Variants in FRMPD4 observed in about 807,000 individuals in gnomAD.
FRMPD4 encodes the protein FERM and PDZ domain-containing protein 4.
A neutral mutation model predicts 94.1 loss-of-function variants in FRMPD4; 22 were observed. The ratio of observed to expected loss-of-function variants is 0.23; its 90% CI spans 0.17 to 0.33. FRMPD4 has a LOEUF of 0.33. Among genes scored for constraint, FRMPD4 ranks in the 10% least tolerant of loss-of-function variants. The probability of loss-of-function intolerance (pLI) is 1.00; values close to 1 mark genes in which losing one functional copy is unlikely to be tolerated. For missense variants in FRMPD4, 1,111 were observed against 1,339.9 expected (o/e 0.83, Z 2.67); for synonymous variants, 631 against 548.6 (o/e 1.15, Z -2.10).
At chrX:12,579,727 C>T (rs1186641308) in intron 2 of FRMPD4, among the ~76,000 whole-genome samples, 1 of 111,965 alleles carries the variant, frequency 8.9e-6, no homozygotes, top group Non-Finnish European at 1.9e-5. Flanking sequence ...CTGAATTCTT[C>T]CTGGACAGAA....
chrX:12,339,953 A>G (rs895270042), intron 1 of FRMPD4, among the ~76,000 whole-genome samples: 1 of 112,463 alleles, frequency 8.9e-6, no homozygotes, highest in African/African-American at 3.2e-5. Flanking sequence ...GTAGCAATCA[A>G]GCCACTCAAT....
chrX:12,449,990 A>G (rs1368352468), intron 1 of FRMPD4, among the ~76,000 whole-genome samples: 2 of 110,429 alleles, frequency 1.8e-5, no homozygotes, highest in African/African-American at 6.6e-5. Context: ...CCTTGTCTCA[A>G]AAGAAAAGAA....
chrX:12,413,740 G>C (rs775182544), intron 1 of FRMPD4, among the ~76,000 whole-genome samples: 2 of 112,017 alleles, frequency 1.8e-5, no homozygotes, highest in Non-Finnish European at 3.8e-5. Flanking sequence ...TAGGTTCCTG[G>C]AACATTGTGG....
intron 4 of FRMPD4, among the ~76,000 whole-genome samples, chrX:12,673,202 A>G (rs1365752043): frequency 1.8e-5 from 2 of 112,248 alleles, no homozygotes; most frequent in Non-Finnish European, 3.8e-5. Flanking sequence ...TTCCACTAAC[A>G]TGGCTACCAC....
intron 1 of FRMPD4, among the ~76,000 whole-genome samples, chrX:11,835,835 T>A (rs1322783325): frequency 1.8e-5 from 2 of 112,288 alleles, no homozygotes; most frequent in Non-Finnish European, 3.8e-5. Flanking sequence ...CTGGTATTTT[T>A]AAAAGGCCCC....
At chrX:12,459,011 G>A (rs1024550780) in intron 1 of FRMPD4, among the ~76,000 whole-genome samples, 4 of 111,991 alleles carry the variant, frequency 3.6e-5, no homozygotes, top group African/African-American at 1.3e-4. Context: ...ATTGACCATG[G>A]AGCACAGAAG....
In FRMPD4 at chrX:12,387,686, G is replaced by A. The variant is rs141090979; in HGVS notation, c.42-110994G>A. On this transcript the variant is annotated intron_variant, in intron 1 of 16. Coordinates refer to ENST00000675598, the MANE Select transcript of FRMPD4 (RefSeq NM_001368397.1). ...ATTGATATATGGGTATCATGTCAGGGACTGCTGTTTTTTGTTTGTTTTTTT... is the reference window on the plus strand; with the variant it reads ...ATTGATATATGGGTATCATGTCAGGAACTGCTGTTTTTTGTTTGTTTTTTT... 3.1e-3 allele frequency among the ~76,000 whole-genome samples: 339 copies of A among 109,200 alleles called. 3 individuals carry two copies. The East Asian group carries it at 0.056, about 18-fold the overall frequency. The allele number at this position is 109,200 out of a possible 115,157, so 94.8% of individuals were successfully genotyped here.
chrX:12,160,633 A>G (rs2056009890), intron 1 of FRMPD4, among the ~76,000 whole-genome samples: 1 of 111,626 alleles, frequency 9.0e-6, no homozygotes, highest in Non-Finnish European at 1.9e-5. Context: ...CTCCTTTAAT[A>G]TATATGAAGA....
chrX:12,487,039 G>A (rs1229034366), intron 1 of FRMPD4, among the ~76,000 whole-genome samples: 3 of 112,280 alleles, frequency 2.7e-5, no homozygotes, highest in South Asian at 7.4e-4. Flanking sequence ...AATTGTTATG[G>A]AAATGTGAGA....
chrX:12,370,509 A>T (rs951936867), intron 1 of FRMPD4, among the ~76,000 whole-genome samples: 2 of 111,518 alleles, frequency 1.8e-5, no homozygotes, highest in African/African-American at 3.3e-5. Context: ...TTGCTGGGGG[A>T]CAAGAGAACA....
rs376925141 is a variant in FRMPD4 at position 12,053,430 on chromosome X, G to A, written c.95+175412G>A. Among the ~76,000 whole-genome samples the A allele has an allele frequency of 6.2e-3, 515 of 83,392 alleles. 4 individuals carry two copies. The highest frequency in any genetic ancestry group is 0.02 in the East Asian group (46 of 2,304). The allele number at this position is 83,392 out of a possible 115,157, so 72.4% of individuals were successfully genotyped here. A position where few individuals can be genotyped will look rare whatever the true frequency, so the allele number is the denominator to read the frequency against. On this transcript the variant is annotated intron_variant, in intron 3 of 18. Coordinates refer to the FRMPD4 transcript ENST00000640291. ...AGAAAGAAAGAAAGAAAGAAAGAAA[G>A]AGAAAGAAAGAAGAGAAGAGAAGAG...
intron 1 of FRMPD4, among the ~76,000 whole-genome samples, chrX:12,300,672 C>T (rs1470607457): frequency 8.9e-6 from 1 of 111,907 alleles, no homozygotes; most frequent in East Asian, 2.8e-4. Context: ...CCTGAACTAA[C>T]AGATGCCAGA....
intron 3 of FRMPD4, among the ~76,000 whole-genome samples, chrX:12,119,986 TA>T (rs748759150): frequency 8.9e-6 from 1 of 112,403 alleles, no homozygotes; most frequent in Admixed American, 9.4e-5. Context: ...AATTGTGTAA[TA>T]TTTTTTCTTA....
chrX:12,203,167 A>T lies in FRMPD4; in HGVS notation c.41+64155A>T, dbSNP rs142095125. Among the ~76,000 whole-genome samples the T allele has an allele frequency of 7.7e-3, 857 of 111,343 alleles. 6 individuals carry two copies. Among genetic ancestry groups the T allele is most frequent in the African/African-American group, 0.026 (790 of 30,632 alleles). ...GTGCCCTTATCTTGTAGCTTTATTC[A>T]TGTGTTAGTCAAGATCGAGTGAAGT... On this transcript the variant is annotated intron_variant, in intron 1 of 16. Coordinates refer to ENST00000675598, the MANE Select transcript of FRMPD4 (RefSeq NM_001368397.1).
At chrX:12,679,734 G>C (rs1480114390) in intron 5 of FRMPD4, among the ~76,000 whole-genome samples, 3 of 112,036 alleles carry the variant, frequency 2.7e-5, no homozygotes, top group Non-Finnish European at 3.8e-5. Flanking sequence ...TCTCTCCTCA[G>C]ACAGTATAAC....
At chrX:12,231,104 C>A (rs998174286) in intron 1 of FRMPD4, among the ~76,000 whole-genome samples, 7 of 77,304 alleles carry the variant, frequency 9.1e-5, no homozygotes, top group Admixed American at 3.5e-4. Flanking sequence ...GGCTGGAGTG[C>A]AGTGGTATGG....
chrX:12,401,660 G>A (rs1030546511), intron 1 of FRMPD4, among the ~76,000 whole-genome samples: 2 of 111,655 alleles, frequency 1.8e-5, no homozygotes, highest in African/African-American at 3.2e-5. Context: ...AAAGATATCG[G>A]TTTTATAAAG....
At chrX:12,701,113 C>G (rs1042387706) in intron 9 of FRMPD4, among the ~76,000 whole-genome samples, 7 of 80,849 alleles carry the variant, frequency 8.7e-5, no homozygotes, top group Non-Finnish European at 1.6e-4. Flanking sequence ...TGCTCTTTTG[C>G]CAAGGCTGGA....
intron 1 of FRMPD4, among the ~76,000 whole-genome samples, chrX:11,859,475 T>A (rs888423416): frequency 8.0e-5 from 9 of 111,911 alleles, no homozygotes; most frequent in Non-Finnish European, 1.3e-4. Context: ...AGGATAATTT[T>A]TAAAAATGTC....
Sources: allele counts gnomAD v4.1 joint callset (sites outside exome capture counted in the v4.1 genomes callset), GRCh38; gene constraint gnomAD v4.1.1; transcripts MANE v1.5; gene names NCBI Gene and HGNC (gene_info 2026-07-23, HGNC 2026-07-21).